Variants in RFWD3 observed in about 807,000 individuals in gnomAD.
RFWD3 encodes the protein ring finger and WD repeat domain 3.
Under a neutral mutation model 87.7 loss-of-function variants are expected in RFWD3, and 65 were observed. That is an observed-to-expected ratio of 0.74 (90% CI 0.61 to 0.91). RFWD3 has a LOEUF of 0.91. Ranked by LOEUF, RFWD3 falls within the 40% of genes least tolerant of loss-of-function variation. RFWD3 has a pLI of 0.00. For missense variants in RFWD3, 1,078 were observed against 938.5 expected, an observed-to-expected ratio of 1.15 and a Z score of -1.94; for synonymous variants, 433 against 352.8, an observed-to-expected ratio of 1.23 and a Z score of -2.55.
rs192891671 is a variant in RFWD3, at chr16:74,651,802, C to G, written c.721+118G>C. Reference sequence around the variant, plus strand: ...GGCTCTATACTATAAAACAGGAATCCACAACATTTAGGGGAGAAAAGGGAA... The same window carrying G: ...GGCTCTATACTATAAAACAGGAATCGACAACATTTAGGGGAGAAAAGGGAA... On this transcript the variant is annotated intron_variant, in intron 3 of 12. Transcript: ENST00000361070. 283 of 875,590 alleles carry G rather than the reference C, an allele frequency of 3.2e-4. 1 individual carries two copies. The African/African-American group carries it at 4.5e-3, about 14-fold the overall frequency. The allele number at this position is 875,590 out of a possible 1,614,324, so 54.2% of individuals were successfully genotyped here.
intron 1 of RFWD3, among the ~76,000 whole-genome samples, chr16:74,666,090 G>A (rs959703422): frequency 2.0e-5 from 3 of 152,060 alleles, no homozygotes; most frequent in Admixed American, 6.6e-5. Context: ...GAGGGAGACG[G>A]GAGGGGAAGG....
At chr16:74,662,893 G>A (rs908500629) in intron 1 of RFWD3, among the ~76,000 whole-genome samples, 4 of 151,796 alleles carry the variant, frequency 2.6e-5, no homozygotes, top group African/African-American at 9.7e-5. Flanking sequence ...AGAATCTTCA[G>A]AATGGTCATG....
chr16:74,632,568 C>G lies in RFWD3; in HGVS notation c.1532G>C (p.Gly511Ala). 3 of 1,614,074 alleles carry G rather than the reference C, an allele frequency of 1.9e-6. No homozygotes were observed. Among genetic ancestry groups the G allele is most frequent in the Non-Finnish European group, 2.5e-6 (3 of 1,179,960 alleles). ...RGLAFSSYLR[G>A]LLLSASLDNT... ...GTCTAGGGAAGCAGAGAGTAGCAAGCCTCTGAGGTAACTGCTAAACGCCAG... is the reference window on the plus strand; with the variant it reads ...GTCTAGGGAAGCAGAGAGTAGCAAGGCTCTGAGGTAACTGCTAAACGCCAG... Residue 511 changes from glycine to alanine, a missense_variant, in exon 9 of 13, where the codon GGC (glycine) becomes GCC (alanine). Physicochemically the swap from Gly to Ala is moderately conservative, Grantham distance 60 (BLOSUM62 0). Transcript: ENST00000361070.
At chr16:74,631,262 T>C (rs771424665) in intron 9 of RFWD3, among the ~76,000 whole-genome samples, 7 of 152,146 alleles carry the variant, frequency 4.6e-5, no homozygotes, top group African/African-American at 9.7e-5. Context: ...GGCAGACAGA[T>C]CACTTGAGGT....
At chr16:74,636,943 C>A (rs553105949) in intron 7 of RFWD3, among the ~76,000 whole-genome samples, 5 of 151,924 alleles carry the variant, frequency 3.3e-5, no homozygotes, top group Admixed American at 3.3e-4. Flanking sequence ...GAACTCCTGA[C>A]CTCAGGTGAT....
At chr16:74,637,598 A>G (rs1959253658) in intron 7 of RFWD3, among the ~76,000 whole-genome samples, 1 of 152,162 alleles carries the variant, frequency 6.6e-6, no homozygotes, top group Non-Finnish European at 1.5e-5. Flanking sequence ...ACATCACTGC[A>G]CTCCAGCCTA....
chr16:74,648,571 G>C (rs1960337202), intron 4 of RFWD3, among the ~76,000 whole-genome samples: 1 of 149,302 alleles, frequency 6.7e-6, no homozygotes, highest in Non-Finnish European at 1.5e-5. Context: ...AGGAGTTTGA[G>C]ACCAGCCTGG....
At chr16:74,645,090 C>T (rs923416631) in intron 4 of RFWD3, among the ~76,000 whole-genome samples, 2 of 152,142 alleles carry the variant, frequency 1.3e-5, no homozygotes, top group Non-Finnish European at 2.9e-5. Flanking sequence ...TACAAGAAAA[C>T]ACAATGGTCA....
chr16:74,653,828 G>A (rs1004307302), intron 2 of RFWD3, among the ~76,000 whole-genome samples: 5 of 152,010 alleles, frequency 3.3e-5, no homozygotes, highest in African/African-American at 1.2e-4. Context: ...GATGAATTAG[G>A]GCTTTGACTA....
At chr16:74,637,732 G>A (rs147431582) in intron 7 of RFWD3, 124 bp downstream of exon 7, 13 of 648,430 alleles carry the variant, frequency 2.0e-5, no homozygotes, top group Non-Finnish European at 3.6e-5. Context: ...ATAAGGAGTT[G>A]GTCATGTTCA....
At position 74,649,205 on chromosome 16, in the gene RFWD3, G is replaced by GCCA; in HGVS notation, c.722-6_722-4dup. On this transcript the variant is annotated splice_polypyrimidine_tract_variant and splice_region_variant and intron_variant, in intron 3 of 12. Coordinates refer to ENST00000361070, the MANE Select transcript of RFWD3 (RefSeq NM_018124.4). ...TGCTGAGACACCTGCTAGTTGCTCT[G>GCCA]CCAAGTCATTTCCAGAAATGACAGG... is the stretch of plus-strand genomic sequence containing the variant. 6.4e-7 allele frequency: 1 copy of GCCA among 1,554,402 alleles called. No homozygotes were observed. The highest frequency in any genetic ancestry group is 2.5e-5 in the East Asian group (1 of 39,740).
rs560919433 is a variant in RFWD3, at chr16:74,625,110, G to A, written c.2182-1039C>T. Among the ~76,000 whole-genome samples the A allele has an allele frequency of 4.0e-5, 6 of 151,314 alleles. No individual in the cohort carries two copies. In the South Asian group the frequency reaches 1.2e-3, roughly 31 times the overall value. On this transcript the variant is annotated intron_variant, in intron 12 of 12. Coordinates refer to ENST00000361070, the MANE Select transcript of RFWD3 (RefSeq NM_018124.4). ...AGCTACTTGGGAGGCTGAAGCACAA[G>A]AATCACTTGAACCCAGGAGGTGGAG...
At position 74,652,335 on chromosome 16, in the gene RFWD3, C is replaced by A. The variant is rs1291266270; in HGVS notation, c.519-213G>T. ...ACTCAACCACTGCTACATTAGCCCA[C>A]AAAGGAGCTTGATCCTTCCGTTAAA... On this transcript the variant is annotated intron_variant, in intron 2 of 12. Coordinates refer to ENST00000361070, the MANE Select transcript of RFWD3 (RefSeq NM_018124.4). 9.2e-5 allele frequency among the ~76,000 whole-genome samples: 14 copies of A among 151,986 alleles called. No homozygotes were observed. In the East Asian group the frequency reaches 2.7e-3, roughly 29 times the overall value.
At chr16:74,656,327 A>AAAAAAG (rs1960984574) in intron 2 of RFWD3, among the ~76,000 whole-genome samples, 1 of 151,290 alleles carries the variant, frequency 6.6e-6, no homozygotes, top group Non-Finnish European at 1.5e-5. Flanking sequence ...AAAAAAAAAA[A>AAAAAAG]AAAAGAAAAG....
chr16:74,643,052 G>A (rs968987405), intron 6 of RFWD3, among the ~76,000 whole-genome samples: 7 of 152,220 alleles, frequency 4.6e-5, no homozygotes, highest in Non-Finnish European at 7.4e-5. Context: ...ATTTAAAAAC[G>A]CTACAAGTGA....
chr16:74,657,518 C>T (rs1388647762), intron 2 of RFWD3, among the ~76,000 whole-genome samples: 1 of 150,304 alleles, frequency 6.7e-6, no homozygotes, highest in Non-Finnish European at 1.5e-5. Flanking sequence ...CTCTGCGGCC[C>T]AGGCTGGAGT....
intron 2 of RFWD3, among the ~76,000 whole-genome samples, chr16:74,659,695 C>G (rs527935516): frequency 6.6e-6 from 1 of 152,112 alleles, no homozygotes; most frequent in African/African-American, 2.4e-5. Context: ...ACACTGGAGC[C>G]ACAGTCATGG....
At chr16:74,647,704 A>G (rs977319582) in intron 4 of RFWD3, among the ~76,000 whole-genome samples, 11 of 152,012 alleles carry the variant, frequency 7.2e-5, no homozygotes, top group Non-Finnish European at 1.3e-4. Context: ...CGATTCTCCT[A>G]TCTCAGCCTC....
chr16:74,646,028 G>A lies in RFWD3; in HGVS notation c.793-1293C>T, dbSNP rs1281790235. On this transcript the variant is annotated intron_variant, in intron 4 of 12. Coordinates refer to ENST00000361070, the MANE Select transcript of RFWD3 (RefSeq NM_018124.4). ...CTCCCAAAGTGCAGGGATTACAGAC[G>A]TGAGCCACCATGCCCAGCCAGTCAC... 2.0e-5 allele frequency among the ~76,000 whole-genome samples: 3 copies of A among 152,038 alleles called. 1 individual carries two copies. Among genetic ancestry groups the A allele is most frequent in the African/African-American group, 7.2e-5 (3 of 41,422 alleles).
Sources: allele counts gnomAD v4.1 joint callset (sites outside exome capture counted in the v4.1 genomes callset), GRCh38; gene constraint gnomAD v4.1.1; transcripts MANE v1.5; gene names NCBI Gene and HGNC (gene_info 2026-07-23, HGNC 2026-07-21).